AUTS2: variants seen among roughly 807,000 people sequenced by gnomAD.
AUTS2 encodes autism susceptibility gene 2 protein.
Under a neutral mutation model 112.4 loss-of-function variants are expected in AUTS2, and 17 were observed. That is an observed-to-expected ratio of 0.15 (90% confidence interval 0.10 to 0.23). AUTS2 has a LOEUF of 0.23. Among genes scored for constraint, AUTS2 ranks in the 10% least tolerant of loss-of-function variants. The pLI is 1.00. For missense variants in AUTS2, 1,510 were observed against 1,701.6 expected, an observed-to-expected ratio of 0.89 and a Z score of 1.98; for synonymous variants, 751 against 702.7, an observed-to-expected ratio of 1.07 and a Z score of -1.09.
chr7:69,981,193 G>A (rs1022967918), intron 2 of AUTS2, among the ~76,000 whole-genome samples: 1 of 152,156 alleles, frequency 6.6e-6, no homozygotes, highest in African/African-American at 2.4e-5. Flanking sequence ...GTTTGGGTAT[G>A]GTCCACTGTG....
chr7:69,901,058 C>T (rs1448529505), intron 2 of AUTS2, among the ~76,000 whole-genome samples: 3 of 152,060 alleles, frequency 2.0e-5, no homozygotes, highest in Non-Finnish European at 4.4e-5. Flanking sequence ...GGGTTTAGAC[C>T]CAGATATCTC....
At chr7:70,756,114 C>G (rs954679754) in intron 6 of AUTS2, among the ~76,000 whole-genome samples, 3 of 152,134 alleles carry the variant, frequency 2.0e-5, no homozygotes, top group Non-Finnish European at 2.9e-5. Flanking sequence ...AGTCTCTTTT[C>G]TGTGCATACT....
At chr7:69,838,029 A>T (rs1405198030) in intron 1 of AUTS2, among the ~76,000 whole-genome samples, 1 of 152,088 alleles carries the variant, frequency 6.6e-6, no homozygotes, top group Non-Finnish European at 1.5e-5. Context: ...CATGTTCTAG[A>T]TGGGATTGTA....
chr7:70,009,088 A>T (rs1230716392), intron 2 of AUTS2, among the ~76,000 whole-genome samples: 1 of 152,124 alleles, frequency 6.6e-6, no homozygotes, highest in Non-Finnish European at 1.5e-5. Context: ...GAGGCTGGAA[A>T]TTATAAGAGT....
chr7:70,768,378 G>A (rs571310889), intron 10 of AUTS2, among the ~76,000 whole-genome samples: 1 of 151,902 alleles, frequency 6.6e-6, no homozygotes, highest in African/African-American at 2.4e-5. Context: ...AGGAGAGTCT[G>A]AAATCACAGC....
chr7:70,311,723 AT>A (rs879416011), intron 4 of AUTS2, among the ~76,000 whole-genome samples: 57 of 147,306 alleles, frequency 3.9e-4, no homozygotes, highest in Middle Eastern at 3.7e-3. Context: ...CACTTAGCGA[AT>A]TTTTTTTTTT....
At chr7:69,904,353 A>C (rs763775889) in intron 2 of AUTS2, among the ~76,000 whole-genome samples, 6 of 152,212 alleles carry the variant, frequency 3.9e-5, no homozygotes, top group Admixed American at 2.0e-4. Flanking sequence ...TATAATGGAA[A>C]ACTTTGATTA....
intron 6 of AUTS2, among the ~76,000 whole-genome samples, chr7:70,749,988 G>A (rs373228693): frequency 3.3e-5 from 5 of 152,190 alleles, no homozygotes; most frequent in African/African-American, 9.7e-5. Flanking sequence ...GACTGAGGTC[G>A]CTGAGACTGC....
intron 4 of AUTS2, among the ~76,000 whole-genome samples, chr7:70,203,889 G>A (rs1810433527): frequency 6.6e-6 from 1 of 151,594 alleles, no homozygotes; most frequent in Non-Finnish European, 1.5e-5. Flanking sequence ...AGAGAAGAAG[G>A]GAGTGTGCAC....
chr7:69,872,275 G>A (rs560707755), intron 1 of AUTS2, among the ~76,000 whole-genome samples: 9 of 152,266 alleles, frequency 5.9e-5, no homozygotes, highest in Admixed American at 2.6e-4. Context: ...TATCTCTTAC[G>A]TTCCTTGTTT....
chr7:69,739,361 C>T (rs966208816), intron 1 of AUTS2, among the ~76,000 whole-genome samples: 7 of 152,186 alleles, frequency 4.6e-5, no homozygotes, highest in African/African-American at 1.4e-4. Context: ...AATGCCTCTT[C>T]TGGTATGAAT....
At chr7:69,700,900 G>A (rs1386536715) in intron 1 of AUTS2, among the ~76,000 whole-genome samples, 1 of 152,168 alleles carries the variant, frequency 6.6e-6, no homozygotes, top group Non-Finnish European at 1.5e-5. Flanking sequence ...CTGTTAATTG[G>A]TTCTTGGAGT....
chr7:70,218,158 C>T (rs1811272934), intron 4 of AUTS2, among the ~76,000 whole-genome samples: 2 of 152,214 alleles, frequency 1.3e-5, no homozygotes, highest in African/African-American at 4.8e-5. Context: ...TGCTTTAGCT[C>T]TTGAGGCCCT....
At chr7:70,606,034 T>C (rs1490911546) in intron 5 of AUTS2, among the ~76,000 whole-genome samples, 1 of 152,214 alleles carries the variant, frequency 6.6e-6, no homozygotes, top group Non-Finnish European at 1.5e-5. Flanking sequence ...CAGCTGGGCT[T>C]GCAGAAAATT....
chr7:70,775,510 G>C, intron 13 of AUTS2, 124 bp downstream of exon 13: 2 of 794,766 alleles, frequency 2.5e-6, no homozygotes, highest in Middle Eastern at 2.4e-4. Context: ...GAATGACGGT[G>C]ATTGGGTTTT....
chr7:70,670,588 T>A (rs908196996), intron 5 of AUTS2, among the ~76,000 whole-genome samples: 3 of 152,110 alleles, frequency 2.0e-5, no homozygotes, highest in African/African-American at 7.2e-5. Context: ...GAAAAGACAT[T>A]TAGTCGCTCC....
chr7:70,430,921 C>T (rs1795635550), intron 4 of AUTS2, among the ~76,000 whole-genome samples: 1 of 149,872 alleles, frequency 6.7e-6, no homozygotes, highest in Admixed American at 6.6e-5. Flanking sequence ...CTGCAAGCTC[C>T]GCCTCCCGGG....
intron 1 of AUTS2, among the ~76,000 whole-genome samples, chr7:69,672,083 G>A (rs535402457): frequency 6.2e-4 from 94 of 151,766 alleles, no homozygotes; most frequent in Non-Finnish European, 1.1e-3. Context: ...TTTGGAAATG[G>A]AGTTTCATTC....
chr7:69,892,153 CT>C (rs1794554270), intron 1 of AUTS2, among the ~76,000 whole-genome samples: 2 of 144,744 alleles, frequency 1.4e-5, no homozygotes, highest in African/African-American at 2.6e-5. Flanking sequence ...GGGTTGTTTC[CT>C]TTTTTAGTTT....
Sources: allele counts gnomAD v4.1 joint callset (sites outside exome capture counted in the v4.1 genomes callset), GRCh38; gene constraint gnomAD v4.1.1; transcripts MANE v1.5; gene names NCBI Gene and HGNC (gene_info 2026-07-23, HGNC 2026-07-21).